Variants in CFAP299 observed in about 807,000 individuals in gnomAD.
The protein encoded by CFAP299 is cilia- and flagella-associated protein 299.
In CFAP299, 21 loss-of-function variants were observed where a neutral mutation model predicts 27.0. That is an observed-to-expected ratio of 0.78 (90% CI 0.55 to 1.12). The LOEUF (loss-of-function observed/expected upper bound fraction) is 1.12, where lower values mean the gene tolerates loss of function less well. Ranked by LOEUF, CFAP299 falls within the 50% of genes most tolerant of loss-of-function variation. CFAP299 has a pLI of 0.00. For missense variants in CFAP299, 310 were observed against 276.6 expected, an observed-to-expected ratio of 1.12 and a Z score of -0.86; for synonymous variants, 104 against 98.1, an observed-to-expected ratio of 1.06 and a Z score of -0.36.
intron 1 of CFAP299, among the ~76,000 whole-genome samples, chr4:80,352,297 G>T (rs1178317077): frequency 2.0e-5 from 3 of 152,210 alleles, no homozygotes; most frequent in African/African-American, 7.2e-5. Context: ...GCCAGGTGCA[G>T]TGACTCACAC....
chr4:80,849,323 G>C (rs1025462394), intron 3 of CFAP299, among the ~76,000 whole-genome samples: 2 of 151,928 alleles, frequency 1.3e-5, no homozygotes, highest in African/African-American at 4.9e-5. Context: ...CATGGTGCAT[G>C]AGGTTCGTTG....
chr4:80,885,593 A>T lies in CFAP299; in HGVS notation c.476+15458A>T, dbSNP rs1186070988. Among the ~76,000 whole-genome samples the T allele has an allele frequency of 2.0e-5, 3 of 152,100 alleles. No homozygotes were observed. The East Asian group carries it at 5.8e-4, about 29-fold the overall frequency. On this transcript the variant is annotated intron_variant, in intron 4 of 5. Coordinates refer to ENST00000358105, the MANE Select transcript of CFAP299 (RefSeq NM_152770.3). ...CTCCATTCCAGGTTCTACCTCCTAG[A>T]TGACATTTCAAGACACACCCTGGGC...
intron 3 of CFAP299, among the ~76,000 whole-genome samples, chr4:80,865,588 T>C (rs1732673741): frequency 6.6e-6 from 1 of 152,192 alleles, no homozygotes; most frequent in African/African-American, 2.4e-5. Context: ...CAATCGGATT[T>C]TAAAAATAAT....
rs1258658527 is a variant in CFAP299 at position 80,858,323 on chromosome 4, G to A, written c.334-11670G>A. On this transcript the variant is annotated intron_variant, in intron 3 of 5. Coordinates refer to ENST00000358105, the MANE Select transcript of CFAP299 (RefSeq NM_152770.3). ...TTTTTTCTTTATTAGTCTTGCTAGC[G>A]GTCTATCAATTTTGTTGATCCTTTC... Among the ~76,000 whole-genome samples, 11 of 151,570 alleles carry A rather than the reference G, an allele frequency of 7.3e-5. No homozygotes were observed. In the East Asian group the frequency reaches 7.8e-4, roughly 11 times the overall value.
chr4:80,567,481 C>G lies in CFAP299; in HGVS notation c.243-15612C>G, dbSNP rs138621759. 2.4e-3 allele frequency among the ~76,000 whole-genome samples: 363 copies of G among 151,952 alleles called. 3 individuals carry two copies. Among genetic ancestry groups the G allele is most frequent in the African/African-American group, 8.1e-3 (337 of 41,486 alleles). On this transcript the variant is annotated intron_variant, in intron 2 of 5. Transcript: ENST00000358105. ...AATGTAACCCTGACTAACCTGGCTC[C>G]TAAAGAATATTGTTTCAATTGTGAA...
At chr4:80,565,668 C>T (rs569413401) in intron 2 of CFAP299, among the ~76,000 whole-genome samples, 1 of 151,970 alleles carries the variant, frequency 6.6e-6, no homozygotes, top group Non-Finnish European at 1.5e-5. Flanking sequence ...TTAAAAATGA[C>T]CTTTTGCAAC....
intron 3 of CFAP299, among the ~76,000 whole-genome samples, chr4:80,613,339 TCA>T (rs1378821651): frequency 5.3e-5 from 8 of 152,160 alleles, no homozygotes; most frequent in Non-Finnish European, 1.2e-4. Flanking sequence ...GTGGAACCTC[TCA>T]TTTTCTAAGG....
At chr4:80,735,328 GT>G (rs1383368231) in intron 3 of CFAP299, among the ~76,000 whole-genome samples, 3 of 152,002 alleles carry the variant, frequency 2.0e-5, no homozygotes, top group Non-Finnish European at 2.9e-5. Flanking sequence ...ACTTCTAATA[GT>G]TTTTTTGGTG....
chr4:80,399,072 C>T lies in CFAP299; in HGVS notation c.242+36188C>T, dbSNP rs145742325. Among the ~76,000 whole-genome samples the T allele has an allele frequency of 9.2e-3, 1,405 of 152,222 alleles. 27 individuals are homozygous for T. The highest frequency in any genetic ancestry group is 0.032 in the African/African-American group (1,330 of 41,520). On this transcript the variant is annotated intron_variant, in intron 2 of 5. Transcript: ENST00000358105. ...TCTCAAAAGAAGACATTTATGTAGC[C>T]AGCAGACACATGAAAAAATGCTCAT...
At chr4:80,425,287 T>C (rs1329164897) in intron 2 of CFAP299, among the ~76,000 whole-genome samples, 1 of 152,216 alleles carries the variant, frequency 6.6e-6, no homozygotes, top group African/African-American at 2.4e-5. Context: ...CTGCACTGTA[T>C]ATCCAGTCCG....
At chr4:80,380,422 ATT>A (rs10701207) in intron 2 of CFAP299, among the ~76,000 whole-genome samples, 32 of 96,136 alleles carry the variant, frequency 3.3e-4, no homozygotes, top group African/African-American at 1.2e-3. Context: ...TGTGTCTCAC[ATT>A]TTTTTTTTTT....
chr4:80,721,419 T>G (rs529714484), intron 3 of CFAP299, among the ~76,000 whole-genome samples: 1 of 152,186 alleles, frequency 6.6e-6, no homozygotes, highest in East Asian at 1.9e-4. Context: ...GCTTCTCTCT[T>G]TGGCTTGTAT....
intron 4 of CFAP299, among the ~76,000 whole-genome samples, chr4:80,882,215 A>T (rs1733739265): frequency 6.6e-6 from 1 of 152,228 alleles, no homozygotes; most frequent in South Asian, 2.1e-4. Flanking sequence ...AAACATCCTC[A>T]GTCTCAAAAA....
chr4:80,781,659 A>G (rs1385800709), intron 3 of CFAP299, among the ~76,000 whole-genome samples: 1 of 152,056 alleles, frequency 6.6e-6, no homozygotes, highest in Non-Finnish European at 1.5e-5. Flanking sequence ...TTCTATGGTC[A>G]GGCCTACTTG....
At chr4:80,599,097 TTAAG>T (rs1267527472) in intron 3 of CFAP299, among the ~76,000 whole-genome samples, 2 of 152,218 alleles carry the variant, frequency 1.3e-5, no homozygotes, top group Non-Finnish European at 2.9e-5. Flanking sequence ...GAGAAAGTCT[TTAAG>T]TATGCATTTA....
chr4:80,555,211 T>G (rs1452229455), intron 2 of CFAP299, among the ~76,000 whole-genome samples: 1 of 151,962 alleles, frequency 6.6e-6, no homozygotes, highest in East Asian at 1.9e-4. Context: ...TGTGAAGGGG[T>G]GTTGAATTTT....
intron 3 of CFAP299, among the ~76,000 whole-genome samples, chr4:80,680,350 T>C (rs1374661440): frequency 6.6e-6 from 1 of 152,164 alleles, no homozygotes; most frequent in Non-Finnish European, 1.5e-5. Flanking sequence ...CTAGCGTAAA[T>C]CTCAGAACTT....
intron 5 of CFAP299, among the ~76,000 whole-genome samples, chr4:80,962,260 A>G (rs535978725): frequency 6.6e-6 from 1 of 152,126 alleles, no homozygotes; most frequent in African/African-American, 2.4e-5. Flanking sequence ...TAATTCATTA[A>G]TTATAGAAGA....
intron 3 of CFAP299, among the ~76,000 whole-genome samples, chr4:80,609,546 A>G (rs2109914984): frequency 6.6e-6 from 1 of 152,188 alleles, no homozygotes; most frequent in Non-Finnish European, 1.5e-5. Context: ...TTAATATCAT[A>G]TAATTTTAAG....
Sources: allele counts gnomAD v4.1 joint callset (sites outside exome capture counted in the v4.1 genomes callset), GRCh38; gene constraint gnomAD v4.1.1; transcripts MANE v1.5; gene names NCBI Gene and HGNC (gene_info 2026-07-23, HGNC 2026-07-21).